Variants in UBN1 observed in about 807,000 individuals in gnomAD.
UBN1 encodes ubinuclein-1.
In UBN1, 17 loss-of-function variants were observed where a neutral mutation model predicts 108.5. The observed-to-expected ratio is 0.16, with a 90% CI of 0.11 to 0.24. The LOEUF (loss-of-function observed/expected upper bound fraction) is 0.24, where lower values mean the gene tolerates loss of function less well. Among genes scored for constraint, UBN1 ranks in the 10% least tolerant of loss-of-function variants. UBN1 has a pLI of 1.00. For synonymous variants in UBN1, 726 were observed against 564.2 expected, an observed-to-expected ratio of 1.29 and a Z score of -4.07; for missense variants, 1,595 against 1,394.4, an observed-to-expected ratio of 1.14 and a Z score of -2.29.
At chr16:4,852,841 T>C in intron 1 of UBN1, 38 bp from the exon 2 acceptor site, 2 of 1,506,254 alleles carry the variant, frequency 1.3e-6, no homozygotes, top group East Asian at 2.3e-5. Flanking sequence ...TATTTTATCA[T>C]CTTCGTTTGA....
chr16:4,850,414 C>T (rs74003516), intron 1 of UBN1, among the ~76,000 whole-genome samples: 2,747 of 152,286 alleles, frequency 0.018, 73 homozygotes, highest in African/African-American at 0.062. Flanking sequence ...CAAGGATGAC[C>T]TTCCTGCATC....
At position 4,853,064 on chromosome 16, in the gene UBN1, C is replaced by T. The variant is rs1207971258; in HGVS notation, c.147C>T (p.Leu49=). The change falls in exon 2 of 18, where the codon CTC becomes CTT. Residue 49 remains leucine, a synonymous_variant. Coordinates refer to ENST00000262376, the MANE Select transcript of UBN1 (RefSeq NM_001079514.3). The stretch of plus-strand genomic sequence containing the variant: ...CTGCAGCAGCTGTTCGGATTACACT[C>T]ACCCTCTTTGAACCAGATCACAAAC... ...EPAAAAVRIT[L]TLFEPDHKRC... 6.2e-7 allele frequency: 1 copy of T among 1,614,250 alleles called. No individual in the cohort carries two copies. Among genetic ancestry groups the T allele is most frequent in the South Asian group, 1.1e-5 (1 of 91,090 alleles).
intron 2 of UBN1, among the ~76,000 whole-genome samples, chr16:4,853,948 C>T (rs1567886992): frequency 6.6e-6 from 1 of 152,166 alleles, no homozygotes; most frequent in Non-Finnish European, 1.5e-5. Flanking sequence ...CCCAGAAACC[C>T]TCCTTCTGCC....
intron 7 of UBN1, among the ~76,000 whole-genome samples, chr16:4,864,363 A>G (rs973462056): frequency 3.9e-5 from 6 of 152,206 alleles, no homozygotes; most frequent in Non-Finnish European, 8.8e-5. Context: ...TCTTCTAACT[A>G]AATATGGTAC....
In UBN1 at chr16:4,874,622, T is replaced by C; in HGVS notation, c.2212T>C (p.Phe738Leu). ...TAGCTCTCTGCAGTCACCCCTCAAT[T>C]TTCTGGCAGAACAGGCTCTGGCACT... Reference protein sequence around the residue: ...PASSLQSPLNFLAEQALALGQ... With the variant: ...PASSLQSPLNLLAEQALALGQ... Residue 738 changes from phenylalanine to leucine, a missense_variant, in exon 15 of 18, where the codon TTT (phenylalanine) becomes CTT (leucine). Around this residue, in one of 3 missense-constraint regions of UBN1, gnomAD observed 1,398 missense variants for 1,194.7 expected, o/e 1.17. Transcript: ENST00000262376. 1 of 1,614,184 alleles carries C rather than the reference T, an allele frequency of 6.2e-7. No homozygotes were observed. The highest frequency in any genetic ancestry group is 1.1e-5 in the South Asian group (1 of 91,076).
intron 2 of UBN1, among the ~76,000 whole-genome samples, chr16:4,856,806 A>G (rs1041337240): frequency 6.6e-6 from 1 of 152,220 alleles, no homozygotes; most frequent in Non-Finnish European, 1.5e-5. Context: ...GAAGATCCAG[A>G]TAAGCATGTT....
intron 10 of UBN1, 28 bp from the exon 11 acceptor site, chr16:4,870,816 G>C: frequency 6.2e-7 from 1 of 1,612,796 alleles, no homozygotes; most frequent in Admixed American, 1.7e-5. Context: ...GCACCTTGGG[G>C]CCCCATGTAA....
chr16:4,872,855 A>G (rs766629940), intron 12 of UBN1, 29 bp from the exon 13 acceptor site: 2 of 1,614,098 alleles, frequency 1.2e-6, no homozygotes, highest in Non-Finnish European at 1.7e-6. Flanking sequence ...TGGGGCATGT[A>G]CAGATGCCTG....
intron 2 of UBN1, among the ~76,000 whole-genome samples, chr16:4,854,392 G>A (rs1251604540): frequency 2.0e-5 from 3 of 151,196 alleles, no homozygotes; most frequent in African/African-American, 4.9e-5. Flanking sequence ...CACCCAGGCT[G>A]GAGTGCGGTG....
intron 8 of UBN1, among the ~76,000 whole-genome samples, chr16:4,869,354 AT>A (rs746926828): frequency 2.0e-5 from 3 of 152,368 alleles, no homozygotes; most frequent in Non-Finnish European, 2.9e-5. Context: ...TGCCACGTGC[AT>A]CATCCCTAAT....
At chr16:4,861,716 CG>C (rs2087073082) in intron 7 of UBN1, among the ~76,000 whole-genome samples, 2 of 152,168 alleles carry the variant, frequency 1.3e-5, no homozygotes, top group African/African-American at 4.8e-5. Flanking sequence ...CCGAGGTGGG[CG>C]GATCACCTGA....
chr16:4,871,928 A>G (rs1011438709), intron 12 of UBN1, among the ~76,000 whole-genome samples: 4 of 152,220 alleles, frequency 2.6e-5, no homozygotes, highest in African/African-American at 9.6e-5. Context: ...AGCATTTGAG[A>G]GATGGGTTCA....
chr16:4,874,289 C>A lies in UBN1; in HGVS notation c.1879C>A (p.His627Asn), dbSNP rs746742247. The A allele has an allele frequency of 5.3e-5, 85 of 1,613,794 alleles. No individual in the cohort carries two copies. The Admixed American group carries it at 5.8e-4, about 11-fold the overall frequency. The change falls in exon 15 of 18, where the codon CAC becomes AAC. Residue 627 changes from histidine to asparagine, a missense_variant. Transcript: ENST00000262376. ...IGGPIALPSD[H>N]QTGGLSIGAS... ...TGGCCCCATTGCTTTGCCCTCAGAT[C>A]ACCAAACAGGAGGCCTGAGTATTGG...
chr16:4,873,102 A>G, intron 14 of UBN1, 29 bp downstream of exon 14: 1 of 1,614,028 alleles, frequency 6.2e-7, no homozygotes, highest in Non-Finnish European at 8.5e-7. Context: ...GTCACATGTC[A>G]GCTATGCCCA....
chr16:4,873,943 G>A lies in UBN1; in HGVS notation c.1801-268G>A, dbSNP rs534996444. Among the ~76,000 whole-genome samples, 7 of 152,316 alleles carry A rather than the reference G, an allele frequency of 4.6e-5. No individual in the cohort carries two copies. The South Asian group carries it at 1.4e-3, about 32-fold the overall frequency. ...TTAACGCTTTTCAAAACAGAAGAAA[G>A]TTTCTCCTGGCGGCTTGTTTGTACT... On this transcript the variant is annotated intron_variant, in intron 14 of 17. Coordinates refer to ENST00000262376, the MANE Select transcript of UBN1 (RefSeq NM_001079514.3).
chr16:4,876,949 T>C lies in UBN1; in HGVS notation c.3103T>C (p.Ser1035Pro), dbSNP rs1171365434. 1.2e-6 allele frequency: 2 copies of C among 1,614,084 alleles called. No individual in the cohort carries two copies. Among genetic ancestry groups the C allele is most frequent in the African/African-American group, 2.7e-5 (2 of 74,932 alleles). Residue 1035 changes from serine to proline, a missense_variant, in exon 16 of 18, where the codon TCT (serine) becomes CCT (proline). Transcript: ENST00000262376. ...SPYKSSSPKL[S>P]GAMSSNSLGI... ...CTACAAATCCAGCAGCCCAAAGCTG[T>C]CTGGGGCCATGAGCTCGAACTCCTT...
intron 12 of UBN1, among the ~76,000 whole-genome samples, chr16:4,871,558 A>G (rs1026554865): frequency 1.5e-5 from 2 of 135,510 alleles, no homozygotes; most frequent in Non-Finnish European, 3.2e-5. Context: ...TTGGCCTCCC[A>G]TCTCAATATG....
intron 2 of UBN1, among the ~76,000 whole-genome samples, chr16:4,857,369 A>AT (rs1231337775): frequency 0.012 from 996 of 83,702 alleles, 15 homozygotes; most frequent in African/African-American, 0.037. Flanking sequence ...AAAAAAAAAA[A>AT]TTTTTTTTTT....
chr16:4,858,675 C>T lies in UBN1; in HGVS notation c.432+12C>T. ...ATAACTCTGAGGCGGTAAGTAGTTA[C>T]TGAAAATGCCGTGTCAGACCCACTG... On this transcript the variant is annotated intron_variant, in intron 4 of 17. Coordinates refer to ENST00000262376, the MANE Select transcript of UBN1 (RefSeq NM_001079514.3). 1.2e-6 allele frequency: 2 copies of T among 1,613,066 alleles called. No homozygotes were observed. The highest frequency in any genetic ancestry group is 2.2e-5 in the South Asian group (2 of 91,046).
Sources: gnomAD v4.1 joint callset for allele counts (sites outside exome capture counted in the v4.1 genomes callset) on GRCh38, gnomAD v4.1.1 for gene constraint, gnomAD v4.1.1 regional missense constraint, MANE v1.5 for transcripts, NCBI Gene and HGNC (gene_info 2026-07-23, HGNC 2026-07-21) for gene names.